Variants in TMC1 observed in about 807,000 individuals in gnomAD.
TMC1 encodes transmembrane channel-like protein 1.
Under a neutral mutation model 105.8 loss-of-function variants are expected in TMC1, and 84 were observed. The ratio of observed to expected loss-of-function variants is 0.79; its 90% CI spans 0.67 to 0.95. TMC1 has a LOEUF of 0.95. Among genes scored for constraint, TMC1 ranks in the 40% least tolerant of loss-of-function variants. The pLI, the probability that TMC1 is intolerant of heterozygous loss-of-function variation, is 0.00. For missense variants in TMC1, 817 were observed against 914.1 expected, an observed-to-expected ratio of 0.89 and a Z score of 1.37; for synonymous variants, 315 against 311.5, an observed-to-expected ratio of 1.01 and a Z score of -0.12.
chr9:72,570,879 G>T (rs1438973596), intron 1 of TMC1, among the ~76,000 whole-genome samples: 1 of 149,168 alleles, frequency 6.7e-6, no homozygotes, highest in East Asian at 2.0e-4. Flanking sequence ...AGTAGAGATG[G>T]GGTTTTGCCA....
Position 72,802,946 on chromosome 9 carries a change from C to G in TMC1, c.1567-2436C>G, listed in dbSNP as rs543553719. ...CTGAGAAAATCCAAAGCAAATAGAA[C>G]AAAACAGGAGGTGTCACACTACCTG... On this transcript the variant is annotated intron_variant, in intron 17 of 23. Coordinates refer to ENST00000297784, the MANE Select transcript of TMC1 (RefSeq NM_138691.3). Among the ~76,000 whole-genome samples, 52 of 152,128 alleles carry G rather than the reference C, an allele frequency of 3.4e-4. 2 individuals are homozygous for G. In the South Asian group the frequency reaches 0.01, roughly 30 times the overall value.
intron 18 of TMC1, among the ~76,000 whole-genome samples, chr9:72,806,544 C>T (rs1336225206): frequency 2.9e-4 from 42 of 146,318 alleles, no homozygotes; most frequent in African/African-American, 9.7e-4. Flanking sequence ...ACTTCTCAGA[C>T]GGGGCAGTTG....
At chr9:72,770,793 C>A (rs919114642) in intron 12 of TMC1, among the ~76,000 whole-genome samples, 9 of 152,102 alleles carry the variant, frequency 5.9e-5, no homozygotes, top group African/African-American at 9.7e-5. Context: ...GTGAATCCCA[C>A]TCTGAGGGCA....
At chr9:72,729,505 T>G (rs1223430135) in intron 8 of TMC1, among the ~76,000 whole-genome samples, 1 of 152,168 alleles carries the variant, frequency 6.6e-6, no homozygotes, top group African/African-American at 2.4e-5. Context: ...CCAAAGGCAA[T>G]TATCAAGTAT....
At chr9:72,750,448 G>A (rs1032398575) in intron 10 of TMC1, among the ~76,000 whole-genome samples, 3 of 152,190 alleles carry the variant, frequency 2.0e-5, no homozygotes, top group African/African-American at 7.2e-5. Flanking sequence ...TTAAATGACC[G>A]TCAAAGAAAC....
At chr9:72,792,605 G>A (rs1351751502) in intron 17 of TMC1, among the ~76,000 whole-genome samples, 1 of 152,132 alleles carries the variant, frequency 6.6e-6, no homozygotes, top group African/African-American at 2.4e-5. Context: ...TGAAAATGGT[G>A]CAAAGAGATG....
chr9:72,600,692 A>T (rs1313014981), intron 2 of TMC1, among the ~76,000 whole-genome samples: 1 of 152,102 alleles, frequency 6.6e-6, no homozygotes. Context: ...TAAGCCAATT[A>T]AAAAAAGAAA....
chr9:72,741,376 T>A, intron 9 of TMC1: 1 of 440,936 alleles, frequency 2.3e-6, no homozygotes, highest in Non-Finnish European at 4.3e-6. Flanking sequence ...TAAGACTTCT[T>A]CCTTTTCTTA....
At chr9:72,582,080 C>T (rs1379277253) in intron 2 of TMC1, among the ~76,000 whole-genome samples, 1 of 152,208 alleles carries the variant, frequency 6.6e-6, no homozygotes, top group Non-Finnish European at 1.5e-5. Flanking sequence ...GCTTCAGCCT[C>T]CCGAGTAGCT....
intron 17 of TMC1, among the ~76,000 whole-genome samples, chr9:72,804,960 A>G (rs1047504431): frequency 1.3e-5 from 2 of 152,160 alleles, no homozygotes; most frequent in African/African-American, 2.4e-5. Flanking sequence ...TTGCCAATCT[A>G]TATTCATACT....
chr9:72,598,293 G>A (rs1824751891), intron 2 of TMC1, among the ~76,000 whole-genome samples: 1 of 152,108 alleles, frequency 6.6e-6, no homozygotes, highest in Admixed American at 6.6e-5. Flanking sequence ...TCGACTTGGG[G>A]TCTCATCCCT....
At chr9:72,655,822 A>C in intron 5 of TMC1, 1 of 675,796 alleles carries the variant, frequency 1.5e-6, no homozygotes, top group South Asian at 1.6e-5. Flanking sequence ...AATTTATTAA[A>C]ATAGTTGACT....
chr9:72,655,078 G>A (rs28368298), intron 5 of TMC1, among the ~76,000 whole-genome samples: 3,357 of 152,226 alleles, frequency 0.022, 115 homozygotes, highest in African/African-American at 0.075. Context: ...CATGAGGGCC[G>A]TTCGCCCCAT....
At chr9:72,537,589 G>A (rs889369797) in intron 1 of TMC1, among the ~76,000 whole-genome samples, 2 of 152,168 alleles carry the variant, frequency 1.3e-5, no homozygotes, top group Non-Finnish European at 2.9e-5. Context: ...CGATGGTTAA[G>A]GACCATGGCC....
intron 5 of TMC1, chr9:72,655,976 T>C: frequency 1.3e-6 from 1 of 790,056 alleles, no homozygotes; most frequent in Non-Finnish European, 2.2e-6. Flanking sequence ...GCTTAGAACC[T>C]TCACCACATG....
chr9:72,597,812 C>T (rs1824743560), intron 2 of TMC1, among the ~76,000 whole-genome samples: 1 of 152,158 alleles, frequency 6.6e-6, no homozygotes, highest in African/African-American at 2.4e-5. Context: ...TCTGTATCTT[C>T]TCAGGGATTA....
At chr9:72,821,541 A>G (rs1237553572) in intron 20 of TMC1, among the ~76,000 whole-genome samples, 1 of 151,684 alleles carries the variant, frequency 6.6e-6, no homozygotes, top group Non-Finnish European at 1.5e-5. Flanking sequence ...TCCTTTGGGT[A>G]TTCAGGTTCA....
At chr9:72,724,192 G>A (rs1827078159) in intron 8 of TMC1, among the ~76,000 whole-genome samples, 1 of 152,162 alleles carries the variant, frequency 6.6e-6, no homozygotes, top group Non-Finnish European at 1.5e-5. Context: ...ATCACAGACT[G>A]GATAATATAT....
chr9:72,802,925 G>A (rs1828501198), intron 17 of TMC1, among the ~76,000 whole-genome samples: 1 of 152,028 alleles, frequency 6.6e-6, no homozygotes. Flanking sequence ...TTATAACTGA[G>A]AAAATCCAAA....
Sources: gnomAD v4.1 joint callset for allele counts (sites outside exome capture counted in the v4.1 genomes callset) on GRCh38, gnomAD v4.1.1 for gene constraint, MANE v1.5 for transcripts, NCBI Gene and HGNC (gene_info 2026-07-23, HGNC 2026-07-21) for gene names.